Variants in PCLO observed in about 807,000 individuals in gnomAD.
PCLO encodes the protein protein piccolo.
Under a neutral mutation model 427.5 loss-of-function variants are expected in PCLO, and 82 were observed. That is an observed-to-expected ratio of 0.19 (90% CI 0.16 to 0.23). PCLO has a LOEUF of 0.23. Ranked by LOEUF, PCLO falls within the 10% of genes least tolerant of loss-of-function variation. The pLI is 1.00. For synonymous variants in PCLO, 2,357 were observed against 2,155.4 expected, an observed-to-expected ratio of 1.09 and a Z score of -2.59; for missense variants, 6,239 against 6,115.9, an observed-to-expected ratio of 1.02 and a Z score of -0.67.
intron 10 of PCLO, chr7:82,848,741 T>C (rs1039726308): frequency 2.5e-5 from 5 of 197,840 alleles, no homozygotes; most frequent in Non-Finnish European, 4.4e-5. Flanking sequence ...TTATGATATA[T>C]ATTAGAAAGC....
At chr7:83,118,733 A>G (rs560757020) in intron 3 of PCLO, among the ~76,000 whole-genome samples, 4 of 152,260 alleles carry the variant, frequency 2.6e-5, no homozygotes, top group South Asian at 4.1e-4. Flanking sequence ...CCAGTGGACT[A>G]AAGTGCTCTA....
intron 3 of PCLO, among the ~76,000 whole-genome samples, chr7:83,057,348 A>ATATATAT (rs1392338061): frequency 5.1e-5 from 1 of 19,634 alleles, no homozygotes; most frequent in African/African-American, 1.7e-4. Flanking sequence ...ATATATATAT[A>ATATATAT]TTTTTTTTTT....
At chr7:82,945,835 A>T (rs942113408) in intron 6 of PCLO, among the ~76,000 whole-genome samples, 2 of 152,212 alleles carry the variant, frequency 1.3e-5, no homozygotes, top group Non-Finnish European at 2.9e-5. Context: ...TGGAGATTTA[A>T]ACTGGAATTT....
chr7:82,908,421 C>T (rs1794243195), intron 8 of PCLO, among the ~76,000 whole-genome samples: 1 of 152,058 alleles, frequency 6.6e-6, no homozygotes, highest in African/African-American at 2.4e-5. Context: ...AATAGATCCA[C>T]TAAAATATCA....
chr7:82,995,691 T>C (rs1338265736), intron 3 of PCLO, among the ~76,000 whole-genome samples: 4 of 152,010 alleles, frequency 2.6e-5, no homozygotes, highest in Non-Finnish European at 5.9e-5. Context: ...ACTTCCTAAT[T>C]GTGTGGTCTT....
chr7:82,949,634 T>C lies in PCLO; in HGVS notation c.10954A>G (p.Ser3652Gly). 6.2e-7 allele frequency: 1 copy of C among 1,613,898 alleles called. No homozygotes were observed. The highest frequency in any genetic ancestry group is 8.5e-7 in the Non-Finnish European group (1 of 1,179,850). ...PYEKPLPDDISPQKVLHPDMA... is the reference protein window; with the variant it reads ...PYEKPLPDDIGPQKVLHPDMA... ...TCTGGATGCAGTACTTTCTGTGGACTTATATCATCAGGGAGGGGTTTTTCA... is the reference window on the plus strand; with the variant it reads ...TCTGGATGCAGTACTTTCTGTGGACCTATATCATCAGGGAGGGGTTTTTCA... Residue 3652 changes from serine (S) to glycine (G), a missense_variant, in exon 6 of 25, where the codon AGT (serine) becomes GGT (glycine). By Grantham distance (56) the Ser-to-Gly change is moderately conservative. Transcript: ENST00000333891.
Position 82,916,187 on chromosome 7 carries a change from T to C in PCLO, c.11799A>G (p.Thr3933=), listed in dbSNP as rs376441611. 34 of 1,613,454 alleles carry C rather than the reference T, an allele frequency of 2.1e-5. No individual in the cohort carries two copies. The highest frequency in any genetic ancestry group is 2.9e-5 in the Non-Finnish European group (34 of 1,179,710). ...QTQPTFQAVA[T]MSFTPQVQPT... is the part of the protein sequence containing the mutation. ...GTTGAACTTGAGGTGTGAAGGACAT[T>C]GTTGCCACAGCTTGGAATGTTGGCT... The change falls in exon 7 of 25, where the codon ACA becomes ACG. Residue 3933 remains threonine (T), a synonymous_variant. Coordinates refer to ENST00000333891, the MANE Select transcript of PCLO (RefSeq NM_033026.6).
chr7:82,754,986 A>C lies in PCLO; in HGVS notation c.*3589T>G, dbSNP rs1790286296. On this transcript the variant is annotated 3_prime_UTR_variant, in exon 25 of 25. Coordinates refer to ENST00000333891, the MANE Select transcript of PCLO (RefSeq NM_033026.6). ...AAATAATAAAGTAAAAAAATACTAT[A>C]AACATCTTTATGATATTTTAATGAA... 1 of 152,150 alleles carries C rather than the reference A, an allele frequency of 6.6e-6. No homozygotes were observed. Among genetic ancestry groups the C allele is most frequent in the African/African-American group, 2.4e-5 (1 of 41,462 alleles). The allele number at this position is 152,150 out of a possible 1,614,324, so 9.4% of individuals were successfully genotyped here. A position where few individuals can be genotyped will look rare whatever the true frequency, so the allele number is the denominator to read the frequency against.
intron 9 of PCLO, among the ~76,000 whole-genome samples, chr7:82,884,865 G>A (rs979682407): frequency 5.9e-5 from 9 of 152,002 alleles, no homozygotes; most frequent in Non-Finnish European, 1.2e-4. Context: ...AAATAAAATG[G>A]TGTAAACTTA....
intron 22 of PCLO, among the ~76,000 whole-genome samples, chr7:82,764,594 A>T (rs752559545): frequency 7.9e-5 from 12 of 151,972 alleles, no homozygotes; most frequent in Admixed American, 4.6e-4. Context: ...AAAAATACAG[A>T]TATTGGCAAG....
chr7:83,135,184 TCTTCAG>T lies in PCLO; in HGVS notation c.2360_2365del (p.Ala787_Glu788del), dbSNP rs1171394849. On this transcript the variant is annotated inframe_deletion, in exon 3 of 25. Transcript: ENST00000333891. ...TGTTTTTAGAGGAGGGGTTGTTTTC[TCTTCAG>T]CTTGTGACTGTACTTTGGAGCTTGG... is the stretch of plus-strand genomic sequence containing the variant. 1 of 1,613,854 alleles carries T rather than the reference TCTTCAG, an allele frequency of 6.2e-7. No homozygotes were observed. Among genetic ancestry groups the T allele is most frequent in the Non-Finnish European group, 8.5e-7 (1 of 1,179,902 alleles).
intron 10 of PCLO, among the ~76,000 whole-genome samples, chr7:82,870,081 C>A (rs13238058): frequency 0.26 from 38,879 of 151,646 alleles, 5,334 homozygotes; most frequent in Middle Eastern, 0.3. Context: ...CACAGAAATA[C>A]AAAAAAATTT....
In PCLO at chr7:82,953,200, A is replaced by G. The variant is rs1461283214; in HGVS notation, c.7753T>C (p.Leu2585=). ...GTTGGAGTCCCTGGTTCAGATGGCAATGTAATAACTACATAAGTTTCTGTG... is the reference window on the plus strand; with the variant it reads ...GTTGGAGTCCCTGGTTCAGATGGCAGTGTAATAACTACATAAGTTTCTGTG... ...SLTETYVVIT[L]PSEPGTPTDS... The change falls in exon 5 of 25, where the codon TTG becomes CTG. Residue 2585 remains leucine, a synonymous_variant. Coordinates refer to ENST00000333891, the MANE Select transcript of PCLO (RefSeq NM_033026.6). The G allele has an allele frequency of 1.2e-6, 2 of 1,613,976 alleles. No individual in the cohort carries two copies. Among genetic ancestry groups the G allele is most frequent in the Admixed American group, 3.3e-5 (2 of 60,010 alleles).
intron 22 of PCLO, among the ~76,000 whole-genome samples, chr7:82,798,171 T>C (rs573403622): frequency 3.9e-5 from 6 of 152,020 alleles, no homozygotes; most frequent in Non-Finnish European, 7.4e-5. Flanking sequence ...TTTCTTAGAG[T>C]GGACTAAGGT....
At position 83,131,874 on chromosome 7, in the gene PCLO, T is replaced by C. The variant is rs540720064; in HGVS notation, c.3300+2376A>G. 7.2e-5 allele frequency among the ~76,000 whole-genome samples: 11 copies of C among 152,276 alleles called. No individual in the cohort carries two copies. The East Asian group carries it at 1.5e-3, about 21-fold the overall frequency. On this transcript the variant is annotated intron_variant, in intron 3 of 24. Transcript: ENST00000333891. ...TAGTAGGAACACTGACATTGTACCA[T>C]GAATTACACCTGTTAATAGTATTTA...
Position 83,134,367 on chromosome 7 carries a change from G to A in PCLO, c.3183C>T (p.Leu1061=), listed in dbSNP as rs377681612. The A allele has an allele frequency of 3.7e-6, 6 of 1,613,684 alleles. No homozygotes were observed. Among genetic ancestry groups the A allele is most frequent in the African/African-American group, 2.7e-5 (2 of 75,028 alleles). Residue 1061 remains leucine (L), a synonymous_variant, in exon 3 of 25, where the codon CTC becomes CTT. Coordinates refer to ENST00000333891, the MANE Select transcript of PCLO (RefSeq NM_033026.6). ...KSPKPESTCP[L]CKTELNIGSK... ...AACCTATGTTGAGTTCAGTTTTGCA[G>A]AGAGGACAGGTTGATTCTGGTTTGG...
intron 15 of PCLO, among the ~76,000 whole-genome samples, chr7:82,836,091 C>T (rs78992294): frequency 0.011 from 1,621 of 152,204 alleles, 7 homozygotes; most frequent in Non-Finnish European, 0.015. Flanking sequence ...TTGCTTACCC[C>T]AGAATGGACT....
intron 2 of PCLO, among the ~76,000 whole-genome samples, chr7:83,142,314 G>T (rs1225258998): frequency 6.6e-6 from 1 of 152,002 alleles, no homozygotes; most frequent in Non-Finnish European, 1.5e-5. Flanking sequence ...AAAACCTGTT[G>T]GGCTCTTACT....
chr7:83,074,371 A>G (rs997482640), intron 3 of PCLO, among the ~76,000 whole-genome samples: 1 of 152,070 alleles, frequency 6.6e-6, no homozygotes, highest in South Asian at 2.1e-4. Context: ...TATTTGTACT[A>G]AGGAATTTCG....
Sources: allele counts gnomAD v4.1 joint callset (sites outside exome capture counted in the v4.1 genomes callset), GRCh38; gene constraint gnomAD v4.1.1; transcripts MANE v1.5; gene names NCBI Gene and HGNC (gene_info 2026-07-23, HGNC 2026-07-21).